The following ABAT variants were observed in gnomAD, a reference collection of about 807,000 sequenced individuals.
ABAT encodes 4-aminobutyrate aminotransferase, mitochondrial.
A neutral mutation model predicts 64.6 loss-of-function variants in ABAT; 45 were observed. The observed-to-expected ratio is 0.70, with a 90% CI of 0.55 to 0.89. ABAT has a LOEUF of 0.89. Among genes scored for constraint, ABAT ranks in the 40% least tolerant of loss-of-function variants. The pLI, the probability that ABAT is intolerant of heterozygous loss-of-function variation, is 0.00. For synonymous variants in ABAT, 297 were observed against 250.5 expected (o/e 1.19, Z -1.75); for missense variants, 633 against 658.4 (o/e 0.96, Z 0.42).
At position 8,738,015 on chromosome 16, in the gene ABAT, AG is replaced by A. The variant is rs58410755; in HGVS notation, c.70+2208del. Reference sequence around the variant, plus strand: ...AGGAAAGAAAGAAAGAAAGAAAGAAAGGAAAGAAAGAAAGAAGGACAGACAG... The same window carrying A: ...AGGAAAGAAAGAAAGAAAGAAAGAAAGAAAGAAAGAAAGAAGGACAGACAG... On this transcript the variant is annotated intron_variant, in intron 2 of 15. Transcript: ENST00000268251. Among the ~76,000 whole-genome samples, 236 of 61,464 alleles carry A rather than the reference AG, an allele frequency of 3.8e-3. 15 individuals carry two copies. The highest frequency in any genetic ancestry group is 6.9e-3 in the African/African-American group (106 of 15,376). 40.3% of individuals were successfully genotyped at this position (61,464 alleles called of 152,430 possible).
chr16:8,748,161 C>T (rs1269506713), intron 4 of ABAT, 24 bp downstream of exon 4: 16 of 1,607,706 alleles, frequency 1.0e-5, no homozygotes, highest in African/African-American at 1.3e-5. Context: ...AGGTAACTTT[C>T]CTTCTGTTGC....
At chr16:8,736,073 A>T in intron 2 of ABAT, 1 of 476,920 alleles carries the variant, frequency 2.1e-6, no homozygotes, top group Non-Finnish European at 3.9e-6. Context: ...GTGAAGGAGG[A>T]ACAAAGGCAC....
intron 2 of ABAT, 106 bp from the exon 3 acceptor site, chr16:8,745,895 A>C: frequency 9.2e-7 from 1 of 1,082,640 alleles, no homozygotes. Flanking sequence ...GGATGAGGCT[A>C]AGGTCCTGGC....
intron 1 of ABAT, among the ~76,000 whole-genome samples, chr16:8,676,259 G>T (rs1033132399): frequency 6.6e-6 from 1 of 152,104 alleles, no homozygotes; most frequent in Admixed American, 6.5e-5. Flanking sequence ...TAAAGACGTG[G>T]CCCCTTCATT....
chr16:8,771,402 T>C (rs74795841), intron 11 of ABAT, among the ~76,000 whole-genome samples: 16,827 of 151,416 alleles, frequency 0.11, 1,739 homozygotes, highest in African/African-American at 0.27. Flanking sequence ...TTTTTCTTAA[T>C]TGTACATAAT....
Position 8,766,198 on chromosome 16 carries a change from A to G in ABAT, c.541-10A>G, listed in dbSNP as rs771274045. On this transcript the variant is annotated splice_polypyrimidine_tract_variant and intron_variant, in intron 8 of 15. Coordinates refer to ENST00000268251, the MANE Select transcript of ABAT (RefSeq NM_020686.6). ...CATCTCTGAGATTTTGTTCTGTTCTATTGTTTCAGAGCAAGGAAAGAGGGC... is the reference window on the plus strand; with the variant it reads ...CATCTCTGAGATTTTGTTCTGTTCTGTTGTTTCAGAGCAAGGAAAGAGGGC... The G allele has an allele frequency of 2.0e-5, 33 of 1,613,664 alleles. No individual in the cohort carries two copies. The South Asian group carries it at 2.2e-4, about 11-fold the overall frequency.
intron 1 of ABAT, among the ~76,000 whole-genome samples, chr16:8,715,784 T>C (rs571288989): frequency 6.6e-6 from 1 of 152,256 alleles, no homozygotes; most frequent in East Asian, 1.9e-4. Flanking sequence ...GATAATAGTA[T>C]TTTATTAATG....
chr16:8,778,792 A>C (rs933644030), intron 14 of ABAT, among the ~76,000 whole-genome samples: 2 of 152,092 alleles, frequency 1.3e-5, no homozygotes, highest in Non-Finnish European at 2.9e-5. Context: ...AAAAAAACAA[A>C]AAACAAAAAA....
chr16:8,724,757 A>AC (rs1567286787), intron 1 of ABAT, among the ~76,000 whole-genome samples: 30 of 129,704 alleles, frequency 2.3e-4, no homozygotes, highest in African/African-American at 9.0e-4. Flanking sequence ...AAAAAAAAAA[A>AC]AAAAAAAAAA....
At chr16:8,724,449 C>T (rs1447746879) in intron 1 of ABAT, among the ~76,000 whole-genome samples, 2 of 152,154 alleles carry the variant, frequency 1.3e-5, no homozygotes, top group African/African-American at 2.4e-5. Flanking sequence ...TAGCTTCTCT[C>T]AGCTAGGCAT....
chr16:8,772,884 C>A lies in ABAT; in HGVS notation c.921C>A (p.Asp307Glu), dbSNP rs753681495. Reference sequence around the variant, plus strand: ...GTGGAGACAACCACGCATCCGATGACTTCTTTCGGAAGCTGAGAGACATCG... The same window carrying A: ...GTGGAGACAACCACGCATCCGATGAATTCTTTCGGAAGCTGAGAGACATCG... The part of the protein sequence containing the change: ...SEGGDNHASD[D>E]FFRKLRDIAR... The change falls in exon 12 of 16, where the codon GAC becomes GAA. Residue 307 changes from aspartate to glutamate, a missense_variant. Asp to Glu is a conservative substitution (Grantham distance 45). Coordinates refer to ENST00000268251, the MANE Select transcript of ABAT (RefSeq NM_020686.6). 2 of 1,613,942 alleles carry A rather than the reference C, an allele frequency of 1.2e-6. No individual in the cohort carries two copies. Among genetic ancestry groups the A allele is most frequent in the Non-Finnish European group, 1.7e-6 (2 of 1,180,026 alleles).
At chr16:8,730,823 T>C (rs1596432049) in intron 1 of ABAT, among the ~76,000 whole-genome samples, 3 of 152,316 alleles carry the variant, frequency 2.0e-5, no homozygotes, top group African/African-American at 7.2e-5. Context: ...CTGAGCCAGA[T>C]ATCTCTCAAC....
At chr16:8,724,133 G>A (rs544881947) in intron 1 of ABAT, among the ~76,000 whole-genome samples, 66 of 151,762 alleles carry the variant, frequency 4.3e-4, no homozygotes, top group Non-Finnish European at 8.1e-4. Flanking sequence ...GAGCCACTGC[G>A]CCCAGCCCCA....
chr16:8,749,386 CTTTTTTTTTTTTTTTTTTTTT>C (rs1160144275), intron 4 of ABAT, among the ~76,000 whole-genome samples: 1 of 31,984 alleles, frequency 3.1e-5, no homozygotes, highest in African/African-American at 1.1e-4. Context: ...CGCACCCGGC[CTTTTTTTTTTTTTTTTTTTTT>C]TTTTTTTTTG....
intron 1 of ABAT, among the ~76,000 whole-genome samples, chr16:8,688,548 C>A (rs191273571): frequency 8.5e-5 from 13 of 152,246 alleles, no homozygotes; most frequent in Admixed American, 3.3e-4. Flanking sequence ...TCAAACACTG[C>A]AACTCAATCT....
chr16:8,745,679 T>A (rs1186772198), intron 2 of ABAT, among the ~76,000 whole-genome samples: 1 of 151,722 alleles, frequency 6.6e-6, no homozygotes, highest in African/African-American at 2.4e-5. Context: ...GCCTGGGCAA[T>A]AGAGCAAGAC....
intron 1 of ABAT, among the ~76,000 whole-genome samples, chr16:8,725,014 C>T (rs1234345678): frequency 6.6e-6 from 1 of 151,548 alleles, no homozygotes; most frequent in Non-Finnish European, 1.5e-5. Context: ...CCTCCCGGGT[C>T]CAAGCGATTC....
At chr16:8,690,975 G>C (rs1006636) in intron 1 of ABAT, among the ~76,000 whole-genome samples, 28,593 of 152,036 alleles carry the variant, frequency 0.19, 3,137 homozygotes, top group East Asian at 0.6. Flanking sequence ...CACTGCTTCA[G>C]GGAGGTTTTA....
At chr16:8,701,449 G>A (rs2057820426) in intron 1 of ABAT, among the ~76,000 whole-genome samples, 1 of 152,244 alleles carries the variant, frequency 6.6e-6, no homozygotes. Context: ...TAGAAGGAGA[G>A]GGTGAGACCT....
Sources: gnomAD v4.1 joint callset for allele counts (sites outside exome capture counted in the v4.1 genomes callset) on GRCh38, gnomAD v4.1.1 for gene constraint, MANE v1.5 for transcripts, NCBI Gene and HGNC (gene_info 2026-07-23, HGNC 2026-07-21) for gene names.